TACR3: variants seen among roughly 807,000 people sequenced by gnomAD.
The protein encoded by TACR3 is tachykinin receptor 3, also known as neuromedin-K receptor.
Under a neutral mutation model 35.0 loss-of-function variants are expected in TACR3, and 34 were observed. The observed-to-expected ratio is 0.97, with a 90% confidence interval of 0.74 to 1.30. TACR3 has a LOEUF of 1.30. Ranked by LOEUF, TACR3 falls within the 50% of genes most tolerant of loss-of-function variation. The pLI, the probability that TACR3 is intolerant of heterozygous loss-of-function variation, is 0.00. For missense variants in TACR3, 558 were observed against 591.7 expected (o/e 0.94, Z 0.59); for synonymous variants, 233 against 221.1 (o/e 1.05, Z -0.48).
chr4:103,643,699 T>C (rs766517128), intron 3 of TACR3, among the ~76,000 whole-genome samples: 32 of 151,944 alleles, frequency 2.1e-4, no homozygotes, highest in South Asian at 4.1e-4. Flanking sequence ...TATATAATGA[T>C]TGTATAAAAT....
chr4:103,636,685 C>A (rs185502348), intron 3 of TACR3, among the ~76,000 whole-genome samples: 1 of 151,536 alleles, frequency 6.6e-6, no homozygotes, highest in Non-Finnish European at 1.5e-5. Flanking sequence ...ATTGATAGAC[C>A]GCTAGCAAGA....
chr4:103,603,490 C>A (rs115791640), intron 3 of TACR3, among the ~76,000 whole-genome samples: 1 of 152,190 alleles, frequency 6.6e-6, no homozygotes, highest in East Asian at 1.9e-4. Context: ...GCGTTGCTCA[C>A]GCTGGGCGAA....
At chr4:103,649,455 G>T (rs565004520) in intron 3 of TACR3, among the ~76,000 whole-genome samples, 2 of 152,106 alleles carry the variant, frequency 1.3e-5, no homozygotes, top group East Asian at 3.9e-4. Context: ...ATTTAGATTT[G>T]ATTTTTGTAT....
chr4:103,614,599 A>G (rs1724589227), intron 3 of TACR3, among the ~76,000 whole-genome samples: 1 of 152,166 alleles, frequency 6.6e-6, no homozygotes, highest in Non-Finnish European at 1.5e-5. Context: ...AGACTACGTT[A>G]GTATATTGGA....
intron 3 of TACR3, among the ~76,000 whole-genome samples, chr4:103,650,269 G>A (rs1024919045): frequency 2.0e-5 from 3 of 151,648 alleles, no homozygotes; most frequent in African/African-American, 7.3e-5. Context: ...CACCACCACT[G>A]GAACTGCATT....
chr4:103,636,899 ATC>A (rs1287409854), intron 3 of TACR3, among the ~76,000 whole-genome samples: 1 of 152,156 alleles, frequency 6.6e-6, no homozygotes, highest in Non-Finnish European at 1.5e-5. Context: ...AAGAACTTGA[ATC>A]TCTGAATAGA....
chr4:103,657,479 A>C (rs1255165783), intron 2 of TACR3, among the ~76,000 whole-genome samples: 1 of 152,078 alleles, frequency 6.6e-6, no homozygotes, highest in East Asian at 1.9e-4. Flanking sequence ...CTTTGGGTAG[A>C]GCAAAGGTAG....
At chr4:103,713,068 G>T (rs956628741) in intron 1 of TACR3, among the ~76,000 whole-genome samples, 1 of 152,222 alleles carries the variant, frequency 6.6e-6, no homozygotes, top group Non-Finnish European at 1.5e-5. Flanking sequence ...ACAGTGTGGC[G>T]ATTCCTCAAG....
chr4:103,666,657 G>T (rs1725942576), intron 1 of TACR3, among the ~76,000 whole-genome samples: 1 of 152,014 alleles, frequency 6.6e-6, no homozygotes, highest in Non-Finnish European at 1.5e-5. Flanking sequence ...CATCAGTAAA[G>T]AATATTACAT....
At chr4:103,704,263 A>G (rs1722734747) in intron 1 of TACR3, among the ~76,000 whole-genome samples, 1 of 152,182 alleles carries the variant, frequency 6.6e-6, no homozygotes, top group South Asian at 2.1e-4. Context: ...TAACTTGTGA[A>G]TCTTGCAGAT....
chr4:103,617,402 T>G (rs994134139), intron 3 of TACR3, among the ~76,000 whole-genome samples: 3 of 152,190 alleles, frequency 2.0e-5, no homozygotes, highest in Non-Finnish European at 4.4e-5. Flanking sequence ...TGATAAAAAG[T>G]ACTTGATAAT....
chr4:103,609,270 A>G (rs923207961), intron 3 of TACR3, among the ~76,000 whole-genome samples: 1 of 152,150 alleles, frequency 6.6e-6, no homozygotes, highest in African/African-American at 2.4e-5. Context: ...CCATACACAA[A>G]TGTTTTTGTA....
intron 3 of TACR3, chr4:103,624,451 T>C (rs967509248): frequency 2.6e-5 from 4 of 151,966 alleles, no homozygotes; most frequent in Admixed American, 2.6e-4. Context: ...CTAAATGTTT[T>C]CAAATAAAAA....
At chr4:103,624,858 T>C (rs1724856123) in intron 3 of TACR3, among the ~76,000 whole-genome samples, 2 of 152,258 alleles carry the variant, frequency 1.3e-5, no homozygotes, top group Non-Finnish European at 1.5e-5. Flanking sequence ...TTTGGAATCA[T>C]TTGAATTATA....
At chr4:103,623,345 T>C (rs954341162) in intron 3 of TACR3, among the ~76,000 whole-genome samples, 1 of 152,176 alleles carries the variant, frequency 6.6e-6, no homozygotes, top group African/African-American at 2.4e-5. Context: ...TTTATGCTGC[T>C]AAATCATGCA....
chr4:103,597,403 C>CA (rs1724057303), intron 3 of TACR3, among the ~76,000 whole-genome samples: 1 of 151,968 alleles, frequency 6.6e-6, no homozygotes, highest in Non-Finnish European at 1.5e-5. Flanking sequence ...CTTGGTGTGA[C>CA]AAAAAACAAA....
chr4:103,608,791 G>T (rs1211670144), intron 3 of TACR3, among the ~76,000 whole-genome samples: 2 of 151,984 alleles, frequency 1.3e-5, no homozygotes, highest in Non-Finnish European at 2.9e-5. Context: ...TAATAAAAAG[G>T]TATGATTGTA....
At chr4:103,686,468 TCAAA>T (rs1271445834) in intron 1 of TACR3, among the ~76,000 whole-genome samples, 23 of 151,866 alleles carry the variant, frequency 1.5e-4, no homozygotes, top group African/African-American at 5.6e-4. Flanking sequence ...CCACAAACTG[TCAAA>T]CAAACACTCC....
chr4:103,640,925 T>C (rs1042066470), intron 3 of TACR3, among the ~76,000 whole-genome samples: 2 of 151,966 alleles, frequency 1.3e-5, no homozygotes, highest in African/African-American at 4.8e-5. Context: ...CTTGTTTGTC[T>C]ATTTTGCTTT....
Sources: gnomAD v4.1 joint callset for allele counts (sites outside exome capture counted in the v4.1 genomes callset) on GRCh38, gnomAD v4.1.1 for gene constraint, MANE v1.5 for transcripts, NCBI Gene and HGNC (gene_info 2026-07-23, HGNC 2026-07-21) for gene names.